Variants in PFKP observed in about 807,000 individuals in gnomAD.
The protein encoded by PFKP is phosphofructokinase, platelet.
PFKP carries 101 observed loss-of-function variants against 94.3 expected under a neutral mutation model. That is an observed-to-expected ratio of 1.07 (90% CI 0.91 to 1.26). The LOEUF is 1.26. PFKP is among the 50% of genes most tolerant of loss of function. The probability of loss-of-function intolerance (pLI) is 0.00; values close to 1 mark genes in which losing one functional copy is unlikely to be tolerated. For missense variants in PFKP, 1,145 were observed against 1,103.3 expected (o/e 1.04, Z -0.53); for synonymous variants, 573 against 432.6 (o/e 1.32, Z -4.03).
intron 2 of PFKP, among the ~76,000 whole-genome samples, chr10:3,095,337 T>C (rs1318251342): frequency 8.5e-6 from 1 of 116,992 alleles, no homozygotes; most frequent in Non-Finnish European, 2.1e-5. Context: ...ACATATAGAA[T>C]GATCTCCTAC....
In PFKP at chr10:3,120,086, C is replaced by T. The variant is rs7071339; in HGVS notation, c.1683+42C>T. ...CCTGCCAGGCGGGCGCCGGCTGACG[C>T]TAACCCCGGGGCCCCGGCCCTTTTT... On this transcript the variant is annotated intron_variant, in intron 16 of 21. Coordinates refer to ENST00000381125, the MANE Select transcript of PFKP (RefSeq NM_002627.5). 1,588 of 1,605,628 alleles carry T rather than the reference C, an allele frequency of 9.9e-4. 11 individuals carry two copies. The African/African-American group carries it at 0.019, about 19-fold the overall frequency.
chr10:3,134,186 C>G (rs1297886089), intron 19 of PFKP, among the ~76,000 whole-genome samples: 1 of 152,192 alleles, frequency 6.6e-6, no homozygotes, highest in Non-Finnish European at 1.5e-5. Context: ...AAAGCTGTGA[C>G]CCATCCCCAG....
At chr10:3,088,983 G>A (rs11595461) in intron 2 of PFKP, among the ~76,000 whole-genome samples, 95,282 of 152,010 alleles carry the variant, frequency 0.63, 31,083 homozygotes, top group Middle Eastern at 0.74. Context: ...CCAGGCTGGA[G>A]TGCAATGGCC....
chr10:3,131,124 AAG>A (rs34554786), intron 17 of PFKP, among the ~76,000 whole-genome samples: 25 of 152,158 alleles, frequency 1.6e-4, no homozygotes, highest in African/African-American at 4.8e-4. Context: ...ATTTTATAAA[AAG>A]ATGTTTTTTA....
chr10:3,112,093 G>C lies in PFKP; in HGVS notation c.1090-129G>C, dbSNP rs1030704755. On this transcript the variant is annotated intron_variant, in intron 10 of 21. Coordinates refer to ENST00000381125, the MANE Select transcript of PFKP (RefSeq NM_002627.5). Reference sequence around the variant, plus strand: ...GCCGGTCGTCTAGACCATTAACCCTGGGGCTGCTGGCTGCCCGGGTCAGAC... The same window carrying C: ...GCCGGTCGTCTAGACCATTAACCCTCGGGCTGCTGGCTGCCCGGGTCAGAC... The C allele has an allele frequency of 5.3e-6, 4 of 751,468 alleles. No homozygotes were observed. The African/African-American group carries it at 6.8e-5, about 13-fold the overall frequency. 46.6% of individuals were successfully genotyped at this position (751,468 alleles called of 1,614,324 possible).
intron 1 of PFKP, among the ~76,000 whole-genome samples, chr10:3,077,261 C>CTTTTCTTTTTTTTTTTT: frequency 1.2e-5 from 1 of 84,238 alleles, no homozygotes; most frequent in Non-Finnish European, 2.1e-5. Flanking sequence ...TTTTTTTTTT[C>CTTTTCTTTTTTTTTTTT]TTTTTTTTTT....
chr10:3,080,516 C>CAAAAAAAAA (rs869281524), intron 1 of PFKP, among the ~76,000 whole-genome samples: 2 of 68,664 alleles, frequency 2.9e-5, no homozygotes, highest in African/African-American at 1.3e-4. Context: ...GACTCCGTCT[C>CAAAAAAAAA]AAAAAAAAAA....
rs1335831898 is a variant in PFKP, at chr10:3,105,422, G to A, written c.695G>A (p.Cys232Tyr). ...GYLALVSALA[C>Y]GADWVFLPES... Reference sequence around the variant, plus strand: ...CTGGCCCTGGTGAGTGCCTTGGCCTGCGGTGCGGACTGGGTGTTCCTTCCA... The same window carrying A: ...CTGGCCCTGGTGAGTGCCTTGGCCTACGGTGCGGACTGGGTGTTCCTTCCA... Residue 232 changes from cysteine (C) to tyrosine (Y), a missense_variant, in exon 7 of 22, where the codon TGC (cysteine) becomes TAC (tyrosine). Physicochemically the swap from Cys to Tyr is radical, Grantham distance 194. This residue lies in a region of PFKP where 1,119 missense variants were observed against 1,062.8 expected (regional missense o/e 1.05). Coordinates refer to ENST00000381125, the MANE Select transcript of PFKP (RefSeq NM_002627.5). 1.2e-6 allele frequency: 2 copies of A among 1,613,960 alleles called. No homozygotes were observed. Among genetic ancestry groups the A allele is most frequent in the Non-Finnish European group, 1.7e-6 (2 of 1,179,986 alleles).
At chr10:3,083,681 C>G (rs1175951696) in intron 2 of PFKP, among the ~76,000 whole-genome samples, 2 of 152,092 alleles carry the variant, frequency 1.3e-5, no homozygotes, top group African/African-American at 2.4e-5. Flanking sequence ...TCACTTTTGT[C>G]CCCCAGGCTT....
intron 3 of PFKP, chr10:3,101,004 A>G (rs750404262): frequency 1.2e-6 from 2 of 1,610,872 alleles, no homozygotes; most frequent in Non-Finnish European, 1.7e-6. Context: ...TCTGGTGGTC[A>G]GTGGGCTTGT....
At chr10:3,099,706 T>C (rs1463637066) in intron 3 of PFKP, among the ~76,000 whole-genome samples, 9 of 152,130 alleles carry the variant, frequency 5.9e-5, no homozygotes, top group African/African-American at 2.2e-4. Flanking sequence ...GGAAGTTAGG[T>C]GGAGCAACGT....
At position 3,094,239 on chromosome 10, in the gene PFKP, G is replaced by A. The variant is rs192134579; in HGVS notation, c.187-5036G>A. Among the ~76,000 whole-genome samples, 92 of 152,270 alleles carry A rather than the reference G, an allele frequency of 6.0e-4. 1 individual carries two copies. Among genetic ancestry groups the A allele is most frequent in the African/African-American group, 2.2e-3 (90 of 41,562 alleles). Reference sequence around the variant, plus strand: ...AGGGCGACCGGCCTCGCTCCTGCTGGGGCTGTTGGTTGTACAACTTACCGG... The same window carrying A: ...AGGGCGACCGGCCTCGCTCCTGCTGAGGCTGTTGGTTGTACAACTTACCGG... On this transcript the variant is annotated intron_variant, in intron 2 of 21. Coordinates refer to ENST00000381125, the MANE Select transcript of PFKP (RefSeq NM_002627.5).
intron 2 of PFKP, among the ~76,000 whole-genome samples, chr10:3,091,413 C>T (rs189757921): frequency 4.6e-5 from 7 of 152,184 alleles, no homozygotes; most frequent in East Asian, 3.9e-4. Context: ...AGGAAACAGT[C>T]GGCTCCTTGC....
intron 1 of PFKP, among the ~76,000 whole-genome samples, chr10:3,067,938 C>T (rs1831858282): frequency 6.6e-6 from 1 of 152,146 alleles, no homozygotes; most frequent in African/African-American, 2.4e-5. Context: ...GCGGCATGAG[C>T]CGGCGAGGCA....
chr10:3,073,240 C>T (rs951229954), intron 1 of PFKP, among the ~76,000 whole-genome samples: 1 of 151,920 alleles, frequency 6.6e-6, no homozygotes, highest in Non-Finnish European at 1.5e-5. Context: ...ATGTTTTCCT[C>T]TGCAGAATGG....
chr10:3,098,214 C>A (rs561254200), intron 2 of PFKP, among the ~76,000 whole-genome samples: 2 of 152,090 alleles, frequency 1.3e-5, no homozygotes, highest in Admixed American at 1.3e-4. Flanking sequence ...GCTTATGGAT[C>A]CAACAATAAT....
At chr10:3,136,250 C>G (rs9423494) in intron 21 of PFKP, among the ~76,000 whole-genome samples, 200 bp from the exon 22 acceptor site, 1 of 151,852 alleles carries the variant, frequency 6.6e-6, no homozygotes, top group African/African-American at 2.4e-5. Context: ...GGCGACAGAG[C>G]GAGACTCCAC....
At chr10:3,076,397 C>A (rs1246124005) in intron 1 of PFKP, among the ~76,000 whole-genome samples, 1 of 152,134 alleles carries the variant, frequency 6.6e-6, no homozygotes, top group African/African-American at 2.4e-5. Flanking sequence ...CGCCCCAGCC[C>A]CTCTGCTACC....
intron 2 of PFKP, among the ~76,000 whole-genome samples, chr10:3,094,125 C>T (rs1448287044): frequency 6.6e-6 from 1 of 152,208 alleles, no homozygotes; most frequent in Non-Finnish European, 1.5e-5. Flanking sequence ...CTCCCCACCA[C>T]TGTGGTCAGC....
Sources: allele counts gnomAD v4.1 joint callset (sites outside exome capture counted in the v4.1 genomes callset), GRCh38; gene constraint gnomAD v4.1.1; regional missense constraint gnomAD v4.1.1; transcripts MANE v1.5; gene names NCBI Gene and HGNC (gene_info 2026-07-23, HGNC 2026-07-21).